The following VCL variants were observed in gnomAD, a reference collection of about 807,000 sequenced individuals.
The protein encoded by VCL is vinculin.
Under a neutral mutation model 125.7 loss-of-function variants are expected in VCL, and 47 were observed. The observed-to-expected ratio is 0.37, with a 90% confidence interval of 0.30 to 0.48. VCL has a LOEUF of 0.48. Ranked by LOEUF, VCL falls within the 20% of genes least tolerant of loss-of-function variation. The probability of loss-of-function intolerance (pLI) is 0.99; values close to 1 mark genes in which losing one functional copy is unlikely to be tolerated. For synonymous variants in VCL, 458 were observed against 514.6 expected, an observed-to-expected ratio of 0.89 and a Z score of 1.49; for missense variants, 1,069 against 1,455.5, an observed-to-expected ratio of 0.73 and a Z score of 4.32.
chr10:74,050,896 G>T (rs1437929774), intron 2 of VCL, among the ~76,000 whole-genome samples: 1 of 146,716 alleles, frequency 6.8e-6, no homozygotes, highest in Non-Finnish European at 1.5e-5. Flanking sequence ...GTTCACCTTT[G>T]GACTTGCCAC....
intron 1 of VCL, among the ~76,000 whole-genome samples, chr10:74,030,543 C>A (rs896347638): frequency 1.3e-5 from 2 of 152,140 alleles, no homozygotes; most frequent in African/African-American, 4.8e-5. Flanking sequence ...ACTTTTCCGT[C>A]TGAGAGGGTT....
chr10:74,059,788 C>T (rs1446891989), intron 2 of VCL, among the ~76,000 whole-genome samples: 2 of 152,136 alleles, frequency 1.3e-5, no homozygotes, highest in Non-Finnish European at 2.9e-5. Flanking sequence ...AAAAAATATT[C>T]CCATTTCTAG....
At chr10:74,015,478 C>G (rs1382298448) in intron 1 of VCL, among the ~76,000 whole-genome samples, 1 of 151,700 alleles carries the variant, frequency 6.6e-6, no homozygotes, top group Non-Finnish European at 1.5e-5. Context: ...CGCTGGAATG[C>G]GGGAGGTGGA....
chr10:74,094,193 C>G, intron 10 of VCL, 78 bp from the exon 11 acceptor site: 1 of 1,565,762 alleles, frequency 6.4e-7, no homozygotes, highest in Non-Finnish European at 8.7e-7. Flanking sequence ...ATCCTATTAG[C>G]ATTTGTCATT....
intron 13 of VCL, among the ~76,000 whole-genome samples, chr10:74,099,641 A>G (rs1357842475): frequency 1.3e-5 from 2 of 152,186 alleles, no homozygotes; most frequent in East Asian, 1.9e-4. Context: ...TGGTTGAGTG[A>G]CGAGAAAAGC....
intron 5 of VCL, among the ~76,000 whole-genome samples, chr10:74,074,177 A>C (rs919074291): frequency 3.3e-5 from 5 of 152,264 alleles, no homozygotes; most frequent in African/African-American, 1.2e-4. Context: ...CGGAGGTTGC[A>C]GTGAGCCGAG....
At chr10:74,103,733 G>C in intron 14 of VCL, 87 bp from the exon 15 acceptor site, 1 of 1,250,644 alleles carries the variant, frequency 8.0e-7, no homozygotes, top group Non-Finnish European at 1.2e-6. Context: ...AGTGCCATCT[G>C]TAGGTAAAGA....
chr10:74,010,988 G>A (rs1840422289), intron 1 of VCL, among the ~76,000 whole-genome samples: 1 of 151,906 alleles, frequency 6.6e-6, no homozygotes, highest in Non-Finnish European at 1.5e-5. Flanking sequence ...TGGCCAACAT[G>A]GCGAAACCCC....
At chr10:74,009,242 G>C (rs1840377017) in intron 1 of VCL, among the ~76,000 whole-genome samples, 1 of 65,446 alleles carries the variant, frequency 1.5e-5, no homozygotes, top group Non-Finnish European at 3.0e-5. Flanking sequence ...AGCCATTTTA[G>C]TATTTAATTC....
rs778062413 is a variant in VCL at position 74,118,083 on chromosome 10, C to T, written c.3319C>T (p.Arg1107Trp). The T allele has an allele frequency of 4.3e-6, 7 of 1,614,104 alleles. No individual in the cohort carries two copies. Among genetic ancestry groups the T allele is most frequent in the Non-Finnish European group, 5.9e-6 (7 of 1,180,012 alleles). The change falls in exon 22 of 22, where the codon CGG becomes TGG. Residue 1107 changes from arginine to tryptophan, a missense_variant. By Grantham distance (101) the Arg-to-Trp change is moderately radical. Transcript: ENST00000211998. The part of the protein sequence containing the change: ...NLMQSVKETV[R>W]EAEAASIKIR... ...CATGCAGTCTGTGAAGGAGACTGTG[C>T]GGGAAGCTGAAGCTGCTTCAATCAA...
intron 1 of VCL, among the ~76,000 whole-genome samples, chr10:74,032,914 C>A (rs1840908426): frequency 6.6e-6 from 1 of 151,904 alleles, no homozygotes; most frequent in African/African-American, 2.4e-5. Context: ...AAGTTGGAAC[C>A]CTCTCATGTA....
intron 10 of VCL, among the ~76,000 whole-genome samples, chr10:74,091,895 G>A (rs1197058025): frequency 6.7e-6 from 1 of 150,178 alleles, no homozygotes; most frequent in African/African-American, 2.4e-5. Flanking sequence ...TTTTATTTAT[G>A]TATGTATTTT....
intron 21 of VCL, among the ~76,000 whole-genome samples, chr10:74,116,034 C>T (rs1479642695): frequency 2.6e-5 from 4 of 152,156 alleles, no homozygotes; most frequent in Non-Finnish European, 5.9e-5. Flanking sequence ...ACTAGCCACA[C>T]GAGGCTCATC....
intron 7 of VCL, among the ~76,000 whole-genome samples, chr10:74,082,754 G>A (rs191914495): frequency 2.2e-4 from 34 of 152,292 alleles, no homozygotes; most frequent in African/African-American, 6.0e-4. Flanking sequence ...CTCTAATCAC[G>A]GAGGAGTAAG....
At chr10:74,103,164 G>A (rs1259599831) in intron 14 of VCL, among the ~76,000 whole-genome samples, 1 of 152,096 alleles carries the variant, frequency 6.6e-6, no homozygotes, top group African/African-American at 2.4e-5. Context: ...CACTGCACCC[G>A]GCCGACTCCT....
At chr10:74,114,944 C>T (rs376675636) in intron 21 of VCL, 45 bp downstream of exon 21, 68 of 1,524,320 alleles carry the variant, frequency 4.5e-5, no homozygotes, top group African/African-American at 9.6e-5. Context: ...GCTTCTGTGC[C>T]GTTTTGCAGT....
chr10:74,041,716 A>G (rs1439888315), intron 1 of VCL, among the ~76,000 whole-genome samples: 1 of 149,412 alleles, frequency 6.7e-6, no homozygotes, highest in Admixed American at 6.8e-5. Flanking sequence ...ACATGGTGAA[A>G]CCCCATCTCT....
intron 6 of VCL, chr10:74,077,818 AT>A (rs1452584813): frequency 1.8e-5 from 8 of 444,830 alleles, no homozygotes; most frequent in Non-Finnish European, 3.6e-5. Flanking sequence ...AGGCAATGCA[AT>A]AACTGATTAT....
chr10:74,038,245 C>T (rs981564701), intron 1 of VCL, among the ~76,000 whole-genome samples: 5 of 152,282 alleles, frequency 3.3e-5, no homozygotes, highest in Admixed American at 6.5e-5. Context: ...GTTCCACCCG[C>T]CTTGACCTTC....
Sources: allele counts gnomAD v4.1 joint callset (sites outside exome capture counted in the v4.1 genomes callset), GRCh38; gene constraint gnomAD v4.1.1; transcripts MANE v1.5; gene names NCBI Gene and HGNC (gene_info 2026-07-23, HGNC 2026-07-21).